DPP6: variants seen among roughly 807,000 people sequenced by gnomAD.
DPP6 encodes the protein dipeptidyl peptidase like 6.
Under a neutral mutation model 122.6 loss-of-function variants are expected in DPP6, and 69 were observed. That is an observed-to-expected ratio of 0.56 (90% CI 0.46 to 0.69). The LOEUF (loss-of-function observed/expected upper bound fraction) is 0.69. Among genes scored for constraint, DPP6 ranks in the 30% least tolerant of loss-of-function variants. The pLI, the probability that DPP6 is intolerant of heterozygous loss-of-function variation, is 0.00. For missense variants in DPP6, 928 were observed against 1,116.9 expected (o/e 0.83, Z 2.41); for synonymous variants, 418 against 433.1 (o/e 0.97, Z 0.43).
chr7:154,257,376 A>G lies in DPP6; in HGVS notation c.244-188838A>G, dbSNP rs572133076. The stretch of plus-strand genomic sequence containing the variant: ...TGGGGATGTGGATTCCCTTCGGCCT[A>G]TGAAGGCAGGTCTCCCATTTAGGAT... On this transcript the variant is annotated intron_variant, in intron 1 of 25. Coordinates refer to ENST00000377770, the MANE Select transcript of DPP6 (RefSeq NM_130797.4). 2.2e-4 allele frequency among the ~76,000 whole-genome samples: 33 copies of G among 152,082 alleles called. No homozygotes were observed. The East Asian group carries it at 6.0e-3, about 28-fold the overall frequency.
intron 2 of DPP6, among the ~76,000 whole-genome samples, chr7:154,459,830 GAAAAA>G (rs1178562423): frequency 7.2e-6 from 1 of 139,296 alleles, no homozygotes; most frequent in African/African-American, 2.7e-5. Context: ...AAAAAGAAAA[GAAAAA>G]GAAAAGAAAA....
At chr7:153,916,292 T>C (rs926163938) in intron 1 of DPP6, among the ~76,000 whole-genome samples, 3 of 149,514 alleles carry the variant, frequency 2.0e-5, no homozygotes, top group African/African-American at 7.4e-5. Context: ...TTAAATAACA[T>C]GTTCTTGGAG....
At chr7:154,495,942 G>A (rs1188269335) in intron 3 of DPP6, among the ~76,000 whole-genome samples, 1 of 152,056 alleles carries the variant, frequency 6.6e-6, no homozygotes, top group East Asian at 1.9e-4. Context: ...GAGTGCTGTG[G>A]GCCTCTGGTA....
At chr7:153,836,517 C>G in the DPP6 span, among the ~76,000 whole-genome samples, 1 of 152,110 alleles carries the variant, frequency 6.6e-6, no homozygotes, top group Non-Finnish European at 1.5e-5. Context: ...CTTTGCTGGT[C>G]CTCTGGAATA....
rs151265487 is a variant in DPP6 at position 154,755,160 on chromosome 7, A to G, written c.884-14257A>G. On this transcript the variant is annotated intron_variant, in intron 8 of 25. Transcript: ENST00000377770. The surrounding 1 kb of genome is among the most constrained non-coding windows in gnomAD (Gnocchi z 4.7). ...AAGTAAAATAAATTAAAAAAAAAAA[A>G]AAAAGAAACTGAACACATGTCAGGA... Among the ~76,000 whole-genome samples, 782 of 151,796 alleles carry G rather than the reference A, an allele frequency of 5.2e-3. 15 individuals carry two copies. Among genetic ancestry groups the G allele is most frequent in the Admixed American group, 0.028 (426 of 15,258 alleles).
intron 3 of DPP6, among the ~76,000 whole-genome samples, chr7:154,487,362 C>G (rs1484614785): frequency 1.3e-5 from 2 of 152,090 alleles, no homozygotes; most frequent in African/African-American, 4.8e-5. Flanking sequence ...GTACTCAGCC[C>G]CTCCATCCTC....
intron 1 of DPP6, among the ~76,000 whole-genome samples, chr7:154,180,053 T>C (rs2150744594): frequency 6.6e-6 from 1 of 152,254 alleles, no homozygotes; most frequent in East Asian, 1.9e-4. Flanking sequence ...ATTTAAAATG[T>C]GGCTAATTAA....
At chr7:154,265,277 A>G (rs1455722278) in intron 1 of DPP6, among the ~76,000 whole-genome samples, 1 of 152,054 alleles carries the variant, frequency 6.6e-6, no homozygotes, top group Non-Finnish European at 1.5e-5. Flanking sequence ...GATGATGGTC[A>G]TAATGATGAT....
intron 7 of DPP6, among the ~76,000 whole-genome samples, chr7:154,671,636 CAT>C (rs927554497): frequency 6.9e-6 from 1 of 144,562 alleles, no homozygotes; most frequent in African/African-American, 2.5e-5. Flanking sequence ...GCTGTGCATG[CAT>C]ATGTGTGTGT....
chr7:153,989,127 GCT>G (rs1185042104), intron 1 of DPP6, among the ~76,000 whole-genome samples: 1 of 149,558 alleles, frequency 6.7e-6, no homozygotes, highest in African/African-American at 2.5e-5. Context: ...GAGGAGGGCG[GCT>G]CTCTGGTGTG....
At chr7:153,794,833 T>C in the DPP6 span, among the ~76,000 whole-genome samples, 1 of 152,182 alleles carries the variant, frequency 6.6e-6, no homozygotes, top group Non-Finnish European at 1.5e-5. Context: ...GAATAAGTCT[T>C]GTGAGATCTG....
chr7:154,561,790 T>C (rs771599103), intron 4 of DPP6, among the ~76,000 whole-genome samples: 5 of 151,734 alleles, frequency 3.3e-5, no homozygotes, highest in Admixed American at 6.6e-5. Flanking sequence ...GCAAAGATAA[T>C]GGAAAAAAAA....
chr7:154,442,951 G>C (rs115598746), intron 1 of DPP6, among the ~76,000 whole-genome samples: 1 of 152,048 alleles, frequency 6.6e-6, no homozygotes, highest in African/African-American at 2.4e-5. Context: ...TTCCTTAGTG[G>C]GAGCCTTATT....
intron 17 of DPP6, among the ~76,000 whole-genome samples, chr7:154,862,532 G>T (rs1046285351): frequency 2.0e-5 from 3 of 152,248 alleles, no homozygotes; most frequent in Non-Finnish European, 4.4e-5. Flanking sequence ...GCATGGAGCT[G>T]CACGCCCTGC....
chr7:154,103,808 A>G (rs1463916364), intron 1 of DPP6, among the ~76,000 whole-genome samples: 1 of 152,176 alleles, frequency 6.6e-6, no homozygotes, highest in Non-Finnish European at 1.5e-5. Flanking sequence ...CTGCCCTTGG[A>G]CATCAGACTC....
In DPP6 at chr7:154,885,487, G is replaced by A. The variant is rs374101546; in HGVS notation, c.2134-146G>A. On this transcript the variant is annotated intron_variant, in intron 21 of 25. Coordinates refer to ENST00000377770, the MANE Select transcript of DPP6 (RefSeq NM_130797.4). ...GCTTTTCATCTCTTGTTACTGCCCC[G>A]TGAACAACTTTCCAAGTGACACATT... 178 of 1,176,314 alleles carry A rather than the reference G, an allele frequency of 1.5e-4. No homozygotes were observed. In the African/African-American group the frequency reaches 2.0e-3, roughly 14 times the overall value. The allele number at this position is 1,176,314 out of a possible 1,614,324, so 72.9% of individuals were successfully genotyped here.
intron 2 of DPP6, among the ~76,000 whole-genome samples, chr7:154,448,568 C>T (rs915263851): frequency 1.3e-5 from 2 of 152,096 alleles, no homozygotes; most frequent in African/African-American, 4.8e-5. Context: ...AAAGAAACTA[C>T]AAGTTGATTC....
chr7:154,066,772 G>A (rs1256256352), intron 1 of DPP6, among the ~76,000 whole-genome samples: 1 of 152,078 alleles, frequency 6.6e-6, no homozygotes, highest in Non-Finnish European at 1.5e-5. Flanking sequence ...ACCAACCATG[G>A]CCTGATGCAA....
rs12536148 is a variant in DPP6 at position 154,556,543 on chromosome 7, C to A, written c.553-10299C>A. ...CTCATTGTACAAATACACAAAATTA[C>A]GTTCCAATTGGATTAAAGCCTTAAA... On this transcript the variant is annotated intron_variant, in intron 4 of 25. Transcript: ENST00000377770. Among the ~76,000 whole-genome samples the A allele has an allele frequency of 9.9e-5, 15 of 152,078 alleles. No individual in the cohort carries two copies. In the East Asian group the frequency reaches 1.2e-3, roughly 12 times the overall value.
Sources: allele counts gnomAD v4.1 joint callset (sites outside exome capture counted in the v4.1 genomes callset), GRCh38; gene constraint gnomAD v4.1.1; non-coding constraint Gnocchi (gnomAD v3.1); transcripts MANE v1.5; gene names NCBI Gene and HGNC (gene_info 2026-07-23, HGNC 2026-07-21).